CCDC85A: variants seen among roughly 807,000 people sequenced by gnomAD.
CCDC85A encodes the protein coiled-coil domain-containing protein 85A.
CCDC85A carries 38 observed loss-of-function variants against 50.2 expected under a neutral mutation model. The ratio of observed to expected loss-of-function variants is 0.76; its 90% CI spans 0.58 to 0.99. The LOEUF (loss-of-function observed/expected upper bound fraction) is 0.99, where lower values mean the gene tolerates loss of function less well. Ranked by LOEUF, CCDC85A falls within the 50% of genes least tolerant of loss-of-function variation. CCDC85A has a pLI of 0.00. For synonymous variants in CCDC85A, 366 were observed against 301.4 expected, an observed-to-expected ratio of 1.21 and a Z score of -2.22; for missense variants, 820 against 742.0, an observed-to-expected ratio of 1.11 and a Z score of -1.22.
intron 2 of CCDC85A, among the ~76,000 whole-genome samples, chr2:56,292,757 C>T (rs774013184): frequency 1.3e-5 from 2 of 152,128 alleles, no homozygotes; most frequent in Non-Finnish European, 2.9e-5. Flanking sequence ...GACACTGTGG[C>T]TGTCATAGGG....
chr2:56,295,101 A>C (rs1041352353), intron 2 of CCDC85A, among the ~76,000 whole-genome samples: 2 of 152,032 alleles, frequency 1.3e-5, no homozygotes. Flanking sequence ...TTCTGTGCTT[A>C]GATTTTCACT....
intron 2 of CCDC85A, among the ~76,000 whole-genome samples, chr2:56,262,514 G>A (rs1169752070): frequency 6.6e-6 from 1 of 152,304 alleles, no homozygotes; most frequent in African/African-American, 2.4e-5. Context: ...ATAAGTTGGT[G>A]TGACTCAAGT....
At chr2:56,251,233 C>T (rs1669742017) in intron 2 of CCDC85A, among the ~76,000 whole-genome samples, 1 of 152,192 alleles carries the variant, frequency 6.6e-6, no homozygotes, top group African/African-American at 2.4e-5. Context: ...CTGTTTTCTC[C>T]TGTAGGCAGC....
At chr2:56,291,200 A>G (rs187980722) in intron 2 of CCDC85A, among the ~76,000 whole-genome samples, 1 of 152,324 alleles carries the variant, frequency 6.6e-6, no homozygotes, top group African/African-American at 2.4e-5. Flanking sequence ...TTGATGTCTT[A>G]ATCTTTGAGT....
intron 5 of CCDC85A, chr2:56,379,716 T>G (rs1276168158): frequency 1.3e-6 from 1 of 765,240 alleles, no homozygotes; most frequent in South Asian, 5.9e-5. Flanking sequence ...CTTTTTTCCA[T>G]GTGAAATTTG....
At chr2:56,352,769 G>C (rs1357322153) in intron 3 of CCDC85A, among the ~76,000 whole-genome samples, 1 of 152,210 alleles carries the variant, frequency 6.6e-6, no homozygotes, top group East Asian at 1.9e-4. Context: ...ATTCGGAGAG[G>C]CACTGTGAAT....
At chr2:56,343,503 G>A (rs1302867298) in intron 3 of CCDC85A, among the ~76,000 whole-genome samples, 4 of 152,230 alleles carry the variant, frequency 2.6e-5, no homozygotes, top group East Asian at 1.9e-4. Context: ...AAGTAAAGTG[G>A]CACTTTTTCC....
At chr2:56,355,771 G>T (rs1558656338) in intron 3 of CCDC85A, among the ~76,000 whole-genome samples, 1 of 152,220 alleles carries the variant, frequency 6.6e-6, no homozygotes, top group Non-Finnish European at 1.5e-5. Context: ...GTGTCAATCT[G>T]ACTTAAATGT....
chr2:56,237,601 A>T (rs1669074995), intron 2 of CCDC85A, among the ~76,000 whole-genome samples: 1 of 152,192 alleles, frequency 6.6e-6, no homozygotes, highest in Non-Finnish European at 1.5e-5. Flanking sequence ...TTTTAAAGTC[A>T]AGGAAACTGA....
At chr2:56,365,884 G>C (rs1219407797) in intron 3 of CCDC85A, among the ~76,000 whole-genome samples, 1 of 152,042 alleles carries the variant, frequency 6.6e-6, no homozygotes, top group Admixed American at 6.6e-5. Flanking sequence ...CTGAAATTTT[G>C]TATCCTTTGA....
Position 56,193,215 on chromosome 2 carries a change from C to T in CCDC85A, c.1015C>T (p.Leu339Phe), listed in dbSNP as rs374836548. 6 of 1,613,660 alleles carry T rather than the reference C, an allele frequency of 3.7e-6. No individual in the cohort carries two copies. Among genetic ancestry groups the T allele is most frequent in the Middle Eastern group, 1.7e-4 (1 of 6,060 alleles). Reference sequence around the variant, plus strand: ...GCACAGTGGAGGGAGCCCGGAGCATCTTCAGAAACACGCTCTTGGGGGGAG... The same window carrying T: ...GCACAGTGGAGGGAGCCCGGAGCATTTTCAGAAACACGCTCTTGGGGGGAG... ...ARHSGGSPEH[L>F]QKHALGGSLE... Residue 339 changes from leucine to phenylalanine, a missense_variant, in exon 2 of 6, where the codon CTT (leucine) becomes TTT (phenylalanine). Leu to Phe is a conservative substitution (Grantham distance 22, BLOSUM62 0). Coordinates refer to ENST00000407595, the MANE Select transcript of CCDC85A (RefSeq NM_001080433.2).
At chr2:56,362,830 G>A (rs1675599123) in intron 3 of CCDC85A, among the ~76,000 whole-genome samples, 1 of 151,960 alleles carries the variant, frequency 6.6e-6, no homozygotes, top group East Asian at 1.9e-4. Flanking sequence ...TGCCATGTTG[G>A]CCAGGCTGGT....
rs1439590427 is a variant in CCDC85A at position 56,184,558 on chromosome 2, C to A, written c.-67C>A. ...GGGGTGTGGGCGGAGGCGGCCTCGCCGCGCCCGCGCCTTCGGGAGTCGCCT... is the reference window on the plus strand; with the variant it reads ...GGGGTGTGGGCGGAGGCGGCCTCGCAGCGCCCGCGCCTTCGGGAGTCGCCT... On this transcript the variant is annotated 5_prime_UTR_variant, in exon 1 of 6. Transcript: ENST00000407595. 7.4e-7 allele frequency: 1 copy of A among 1,357,692 alleles called. No homozygotes were observed. Among genetic ancestry groups the A allele is most frequent in the Non-Finnish European group, 9.4e-7 (1 of 1,063,692 alleles). 84.1% of individuals were successfully genotyped at this position (1,357,692 alleles called of 1,614,324 possible).
chr2:56,342,096 C>G (rs557177691), intron 2 of CCDC85A, among the ~76,000 whole-genome samples: 7 of 151,578 alleles, frequency 4.6e-5, no homozygotes, highest in African/African-American at 1.7e-4. Flanking sequence ...TGTACAAAAT[C>G]AGAAGAAAAG....
At chr2:56,234,489 A>G (rs1232949078) in intron 2 of CCDC85A, among the ~76,000 whole-genome samples, 1 of 152,178 alleles carries the variant, frequency 6.6e-6, no homozygotes, top group African/African-American at 2.4e-5. Flanking sequence ...CTTGGCTGCA[A>G]TTATCTTTAT....
intron 3 of CCDC85A, among the ~76,000 whole-genome samples, chr2:56,369,396 T>C (rs142387307): frequency 6.6e-6 from 1 of 152,264 alleles, no homozygotes; most frequent in East Asian, 1.9e-4. Context: ...AAACTTCATG[T>C]TGATTTCATG....
At chr2:56,346,398 A>G (rs566996031) in intron 3 of CCDC85A, among the ~76,000 whole-genome samples, 5 of 152,326 alleles carry the variant, frequency 3.3e-5, no homozygotes, top group Non-Finnish European at 5.9e-5. Flanking sequence ...TTCAAGTCCC[A>G]GAATGAAGGA....
intron 2 of CCDC85A, among the ~76,000 whole-genome samples, chr2:56,205,255 G>C (rs878972217): frequency 2.6e-5 from 4 of 152,066 alleles, no homozygotes; most frequent in Non-Finnish European, 5.9e-5. Context: ...GTGGCACCAG[G>C]CTCTTCGTAT....
chr2:56,236,037 A>G (rs936188631), intron 2 of CCDC85A, among the ~76,000 whole-genome samples: 1 of 152,212 alleles, frequency 6.6e-6, no homozygotes, highest in African/African-American at 2.4e-5. Context: ...TGAGATGTTC[A>G]GTTTGGTTGG....
Sources: allele counts gnomAD v4.1 joint callset (sites outside exome capture counted in the v4.1 genomes callset), GRCh38; gene constraint gnomAD v4.1.1; transcripts MANE v1.5; gene names NCBI Gene and HGNC (gene_info 2026-07-23, HGNC 2026-07-21).